The following AKAP6 variants were observed in gnomAD, a reference collection of about 807,000 sequenced individuals.
AKAP6 encodes the protein A-kinase anchor protein 6.
Under a neutral mutation model 188.5 loss-of-function variants are expected in AKAP6, and 58 were observed. That is an observed-to-expected ratio of 0.31 (90% CI 0.25 to 0.38). The LOEUF (loss-of-function observed/expected upper bound fraction) is 0.38, where lower values mean the gene tolerates loss of function less well. Ranked by LOEUF, AKAP6 falls within the 10% of genes least tolerant of loss-of-function variation. The pLI, the probability that AKAP6 is intolerant of heterozygous loss-of-function variation, is 1.00. For synonymous variants in AKAP6, 989 were observed against 998.6 expected (o/e 0.99, Z 0.18); for missense variants, 2,710 against 2,740.0 (o/e 0.99, Z 0.24).
intron 2 of AKAP6, among the ~76,000 whole-genome samples, chr14:32,473,333 A>G (rs1111692): frequency 0.55 from 83,309 of 151,634 alleles, 24,737 homozygotes; most frequent in African/African-American, 0.79. Flanking sequence ...CACATACAAC[A>G]GGTAATAATA....
chr14:32,793,807 C>T (rs1022878456), intron 12 of AKAP6, among the ~76,000 whole-genome samples: 1 of 151,830 alleles, frequency 6.6e-6, no homozygotes, highest in Admixed American at 6.6e-5. Flanking sequence ...ACTGACTATC[C>T]TAAATATATA....
rs564444827 is a variant in AKAP6 at position 32,585,649 on chromosome 14, C to A, written c.2469+8407C>A. Among the ~76,000 whole-genome samples the A allele has an allele frequency of 2.2e-4, 33 of 152,226 alleles. No homozygotes were observed. The South Asian group carries it at 5.8e-3, about 27-fold the overall frequency. Reference sequence around the variant, plus strand: ...TAGATTATATGTAGTCATCTATAGACCCATAAATGACTAACAATTTTAATC... The same window carrying A: ...TAGATTATATGTAGTCATCTATAGAACCATAAATGACTAACAATTTTAATC... On this transcript the variant is annotated intron_variant, in intron 5 of 13. Transcript: ENST00000280979.
chr14:32,720,050 A>T (rs143287606), intron 9 of AKAP6, among the ~76,000 whole-genome samples: 1 of 152,326 alleles, frequency 6.6e-6, no homozygotes, highest in East Asian at 1.9e-4. Context: ...CTTGCACTGA[A>T]CAGGCCTATA....
At chr14:32,391,850 A>G (rs1168871819) in intron 1 of AKAP6, among the ~76,000 whole-genome samples, 1 of 152,208 alleles carries the variant, frequency 6.6e-6, no homozygotes, top group African/African-American at 2.4e-5. Flanking sequence ...TTCTTTATAT[A>G]TTACCCAGTC....
chr14:32,784,847 C>G (rs1195051264), intron 12 of AKAP6, among the ~76,000 whole-genome samples: 1 of 152,128 alleles, frequency 6.6e-6, no homozygotes, highest in Non-Finnish European at 1.5e-5. Flanking sequence ...TTATTGACAA[C>G]AATTTCTTGC....
At chr14:32,530,820 A>G (rs1436247164) in intron 2 of AKAP6, among the ~76,000 whole-genome samples, 1 of 152,258 alleles carries the variant, frequency 6.6e-6, no homozygotes, top group African/African-American at 2.4e-5. Context: ...GAAAAAGTGT[A>G]CAATAATATG....
chr14:32,820,190 C>T (rs373897539), intron 12 of AKAP6, among the ~76,000 whole-genome samples: 2 of 151,938 alleles, frequency 1.3e-5, no homozygotes, highest in African/African-American at 2.4e-5. Context: ...GTGCCATACT[C>T]ATCTGCTTGG....
intron 2 of AKAP6, among the ~76,000 whole-genome samples, chr14:32,454,725 T>C (rs1209670769): frequency 2.3e-4 from 4 of 17,436 alleles, no homozygotes; most frequent in East Asian, 1.4e-3. Flanking sequence ...CCTTCTCTCC[T>C]TCCCTCCTTC....
intron 2 of AKAP6, among the ~76,000 whole-genome samples, chr14:32,500,984 G>C (rs183915404): frequency 1.3e-5 from 2 of 152,140 alleles, no homozygotes; most frequent in Non-Finnish European, 2.9e-5. Context: ...ATTCTAGCCT[G>C]TGGCACACCA....
intron 11 of AKAP6, among the ~76,000 whole-genome samples, chr14:32,737,555 G>C (rs890589678): frequency 2.0e-5 from 3 of 152,126 alleles, no homozygotes; most frequent in Non-Finnish European, 4.4e-5. Context: ...TGATGAAACA[G>C]CTCAGACAGG....
intron 12 of AKAP6, among the ~76,000 whole-genome samples, chr14:32,806,202 A>AC (rs1042674813): frequency 6.6e-6 from 1 of 152,194 alleles, no homozygotes; most frequent in Non-Finnish European, 1.5e-5. Context: ...TGAGCTTCAC[A>AC]CCCAAAGAAT....
chr14:32,350,216 A>G (rs895330801), intron 1 of AKAP6, among the ~76,000 whole-genome samples: 4 of 152,224 alleles, frequency 2.6e-5, no homozygotes, highest in Admixed American at 2.0e-4. Flanking sequence ...CCTGGTAAGT[A>G]TAACCCTAAC....
intron 4 of AKAP6, among the ~76,000 whole-genome samples, chr14:32,565,200 C>G (rs149044901): frequency 7.2e-4 from 110 of 152,126 alleles, no homozygotes; most frequent in African/African-American, 2.5e-3. Context: ...GCTTATACAA[C>G]TAGCTGTCTT....
At chr14:32,700,161 G>A (rs1230600620) in intron 9 of AKAP6, among the ~76,000 whole-genome samples, 1 of 152,164 alleles carries the variant, frequency 6.6e-6, no homozygotes, top group Non-Finnish European at 1.5e-5. Context: ...TGCTGCTGTT[G>A]CTGCTGCACT....
At chr14:32,468,639 A>G (rs1381587466) in intron 2 of AKAP6, among the ~76,000 whole-genome samples, 1 of 152,158 alleles carries the variant, frequency 6.6e-6, no homozygotes, top group African/African-American at 2.4e-5. Context: ...CAAAAGCGCA[A>G]ATCAGGATTT....
At chr14:32,802,497 T>G (rs2033977319) in intron 12 of AKAP6, among the ~76,000 whole-genome samples, 1 of 152,256 alleles carries the variant, frequency 6.6e-6, no homozygotes, top group African/African-American at 2.4e-5. Context: ...CATTTGCTAT[T>G]TGTTTACTCA....
chr14:32,534,064 A>G (rs1485225434), intron 2 of AKAP6, among the ~76,000 whole-genome samples: 1 of 152,206 alleles, frequency 6.6e-6, no homozygotes, highest in South Asian at 2.1e-4. Context: ...ATTAATATTC[A>G]TAATTTAGCA....
At chr14:32,641,827 G>A (rs772688793) in intron 7 of AKAP6, among the ~76,000 whole-genome samples, 2 of 152,092 alleles carry the variant, frequency 1.3e-5, no homozygotes, top group African/African-American at 2.4e-5. Flanking sequence ...AAATGGGGGA[G>A]GGGAACACGT....
intron 2 of AKAP6, among the ~76,000 whole-genome samples, chr14:32,467,878 G>T (rs1878551434): frequency 6.6e-6 from 1 of 151,842 alleles, no homozygotes; most frequent in African/African-American, 2.4e-5. Flanking sequence ...AATTTTCTTG[G>T]TTTTATTTGC....
Sources: gnomAD v4.1 joint callset for allele counts (sites outside exome capture counted in the v4.1 genomes callset) on GRCh38, gnomAD v4.1.1 for gene constraint, MANE v1.5 for transcripts, NCBI Gene and HGNC (gene_info 2026-07-23, HGNC 2026-07-21) for gene names.